GULP1: variants seen among roughly 807,000 people sequenced by gnomAD.
GULP1 encodes the protein PTB domain-containing engulfment adapter protein 1.
In GULP1, 19 loss-of-function variants were observed where a neutral mutation model predicts 40.9. The ratio of observed to expected loss-of-function variants is 0.46; its 90% CI spans 0.32 to 0.68. The LOEUF (loss-of-function observed/expected upper bound fraction) is 0.68. Ranked by LOEUF, GULP1 falls within the 30% of genes least tolerant of loss-of-function variation. The pLI is 0.03. For missense variants in GULP1, 312 were observed against 362.2 expected (o/e 0.86, Z 1.12); for synonymous variants, 119 against 117.6 (o/e 1.01, Z -0.08).
At chr2:188,503,688 C>T (rs2063647371) in intron 4 of GULP1, among the ~76,000 whole-genome samples, 1 of 151,906 alleles carries the variant, frequency 6.6e-6, no homozygotes, top group Non-Finnish European at 1.5e-5. Context: ...CTGATTTAAA[C>T]CATAGCAGTC....
intron 1 of GULP1, among the ~76,000 whole-genome samples, chr2:188,338,279 AT>A (rs202235413): frequency 0.014 from 1,885 of 138,406 alleles, 9 homozygotes; most frequent in Non-Finnish European, 0.017. Flanking sequence ...GGGGAAAACA[AT>A]TTTTTTTTTT....
rs192184508 is a variant in GULP1, at chr2:188,428,873, A to T, written c.-45+44984A>T. 2.2e-4 allele frequency among the ~76,000 whole-genome samples: 33 copies of T among 151,510 alleles called. 1 individual carries two copies. Among genetic ancestry groups the T allele is most frequent in the African/African-American group, 7.5e-4 (31 of 41,346 alleles). ...CACTCTTGTTAGCTCTAAGGACTTT[A>T]AAAAAAAGTGTGTTTTTTTTTTAAT... On this transcript the variant is annotated intron_variant, in intron 2 of 11. Coordinates refer to ENST00000409830, the MANE Select transcript of GULP1 (RefSeq NM_016315.4).
At position 188,579,883 on chromosome 2, in the gene GULP1, T is replaced by G. The variant is rs184687624; in HGVS notation, c.610-4382T>G. ...GACCTTCAGTTGGTTTTCAGGTACC[T>G]AGTAAAGAATTTTGGCCAACATATA... is the stretch of plus-strand genomic sequence containing the variant. On this transcript the variant is annotated intron_variant, in intron 9 of 11. Transcript: ENST00000409830. 7.2e-5 allele frequency among the ~76,000 whole-genome samples: 11 copies of G among 152,304 alleles called. No individual in the cohort carries two copies. The Middle Eastern group carries it at 0.01, about 141-fold the overall frequency.
At chr2:188,416,485 C>G (rs894778608) in intron 2 of GULP1, among the ~76,000 whole-genome samples, 2 of 152,168 alleles carry the variant, frequency 1.3e-5, no homozygotes, top group South Asian at 4.1e-4. Flanking sequence ...GCAGCCTATT[C>G]TCATCTCTCA....
intron 7 of GULP1, among the ~76,000 whole-genome samples, chr2:188,543,655 A>G (rs1451527489): frequency 4.6e-5 from 7 of 152,150 alleles, no homozygotes; most frequent in African/African-American, 7.2e-5. Context: ...CTCTCCTCCT[A>G]TTTTAAAAAA....
chr2:188,319,708 T>A (rs2039680879), intron 1 of GULP1, among the ~76,000 whole-genome samples: 1 of 152,180 alleles, frequency 6.6e-6, no homozygotes, highest in Non-Finnish European at 1.5e-5. Flanking sequence ...AGTCCTTGTA[T>A]ATGTGTGTGA....
rs187636817 is a variant in GULP1 at position 188,341,586 on chromosome 2, G to A, written c.-171-42177G>A. Among the ~76,000 whole-genome samples the A allele has an allele frequency of 2.1e-3, 326 of 152,138 alleles. 1 individual carries two copies. The highest frequency in any genetic ancestry group is 3.7e-3 in the Non-Finnish European group (250 of 67,986). ...GAAAAAAGACTAGACTGGCTTCTCC[G>A]AGAGTCTCAGGGGAATTTATATCTG... On this transcript the variant is annotated intron_variant, in intron 1 of 11. Transcript: ENST00000409830.
At chr2:188,519,494 C>A (rs1015807994) in intron 4 of GULP1, among the ~76,000 whole-genome samples, 16 of 152,294 alleles carry the variant, frequency 1.1e-4, no homozygotes, top group African/African-American at 3.8e-4. Context: ...ATAAAGGATC[C>A]ATCTTTGCTT....
chr2:188,461,625 C>T (rs2059715088), intron 2 of GULP1, among the ~76,000 whole-genome samples: 1 of 151,600 alleles, frequency 6.6e-6, no homozygotes, highest in African/African-American at 2.4e-5. Flanking sequence ...TTAATTATGG[C>T]TTTAATCTTG....
chr2:188,453,742 C>T (rs1255075993), intron 2 of GULP1, among the ~76,000 whole-genome samples: 1 of 152,176 alleles, frequency 6.6e-6, no homozygotes, highest in Non-Finnish European at 1.5e-5. Context: ...CCTCACTGCA[C>T]TTCATTTTGT....
At chr2:188,340,692 A>G (rs1014852504) in intron 1 of GULP1, among the ~76,000 whole-genome samples, 5 of 152,152 alleles carry the variant, frequency 3.3e-5, no homozygotes, top group East Asian at 1.9e-4. Flanking sequence ...AGCCTTTAGC[A>G]TCAGCACCCG....
intron 2 of GULP1, among the ~76,000 whole-genome samples, chr2:188,449,718 G>T (rs557555058): frequency 6.6e-6 from 1 of 152,278 alleles, no homozygotes; most frequent in African/African-American, 2.4e-5. Context: ...GCTACTCTGG[G>T]ATTCAGCATC....
At chr2:188,481,328 A>C in intron 3 of GULP1, among the ~76,000 whole-genome samples, 1 of 152,012 alleles carries the variant, frequency 6.6e-6, no homozygotes, top group African/African-American at 2.4e-5. Context: ...TAATATAAAA[A>C]GTTTTATTTT....
intron 3 of GULP1, 68 bp from the exon 4 acceptor site, chr2:188,483,363 C>T: frequency 1.4e-6 from 1 of 712,384 alleles, no homozygotes; most frequent in Non-Finnish European, 2.5e-6. Flanking sequence ...AATTACCATA[C>T]AAATGGTAAT....
chr2:188,351,561 G>A (rs1485138037), intron 1 of GULP1, among the ~76,000 whole-genome samples: 1 of 152,054 alleles, frequency 6.6e-6, no homozygotes, highest in Non-Finnish European at 1.5e-5. Flanking sequence ...GCACAGTAAT[G>A]TAAACTCTTG....
At chr2:188,470,387 G>C (rs763219728) in intron 2 of GULP1, among the ~76,000 whole-genome samples, 2 of 152,140 alleles carry the variant, frequency 1.3e-5, no homozygotes, top group Admixed American at 6.5e-5. Context: ...AATGTCTGCT[G>C]TATCAGTTGT....
At chr2:188,569,448 A>G in intron 8 of GULP1, 93 bp downstream of exon 8, 1 of 779,970 alleles carries the variant, frequency 1.3e-6, no homozygotes, top group South Asian at 1.4e-5. Flanking sequence ...CCTGCCATTA[A>G]ATTTCACCCA....
chr2:188,403,915 A>G (rs1025089418), intron 2 of GULP1, among the ~76,000 whole-genome samples: 1 of 152,206 alleles, frequency 6.6e-6, no homozygotes, highest in African/African-American at 2.4e-5. Flanking sequence ...CCAGTGAAGT[A>G]TTCAGATGAT....
At chr2:188,495,663 C>G (rs1406339719) in intron 4 of GULP1, among the ~76,000 whole-genome samples, 1 of 151,936 alleles carries the variant, frequency 6.6e-6, no homozygotes, top group African/African-American at 2.4e-5. Flanking sequence ...TAGTATTTAA[C>G]TCAGTTTTCA....
Sources: allele counts gnomAD v4.1 joint callset (sites outside exome capture counted in the v4.1 genomes callset), GRCh38; gene constraint gnomAD v4.1.1; transcripts MANE v1.5; gene names NCBI Gene and HGNC (gene_info 2026-07-23, HGNC 2026-07-21).